Variants in ITGA9 observed in about 807,000 individuals in gnomAD.
ITGA9 encodes the protein integrin alpha-9.
A neutral mutation model predicts 127.8 loss-of-function variants in ITGA9; 56 were observed. That is an observed-to-expected ratio of 0.44 (90% CI 0.35 to 0.55). The LOEUF (loss-of-function observed/expected upper bound fraction) is 0.55. ITGA9 is among the 20% of genes least tolerant of loss of function. The pLI is 0.00. For missense variants in ITGA9, 1,196 were observed against 1,347.1 expected, an observed-to-expected ratio of 0.89 and a Z score of 1.76; for synonymous variants, 508 against 514.5, an observed-to-expected ratio of 0.99 and a Z score of 0.17.
At chr3:37,811,820 G>A (rs1484786577) in intron 27 of ITGA9, among the ~76,000 whole-genome samples, 3 of 152,218 alleles carry the variant, frequency 2.0e-5, no homozygotes, top group Non-Finnish European at 2.9e-5. Flanking sequence ...AAAGAGACAG[G>A]CTGCAGAATG....
At chr3:37,789,005 T>C (rs1697073429) in intron 26 of ITGA9, among the ~76,000 whole-genome samples, 1 of 152,178 alleles carries the variant, frequency 6.6e-6, no homozygotes, top group African/African-American at 2.4e-5. Flanking sequence ...TTAAAACCAA[T>C]TCAAAATAAA....
chr3:37,617,505 G>A (rs1478696078), intron 15 of ITGA9, among the ~76,000 whole-genome samples: 1 of 152,146 alleles, frequency 6.6e-6, no homozygotes, highest in African/African-American at 2.4e-5. Context: ...TTTGAATGTT[G>A]GCCTGCCTTG....
intron 16 of ITGA9, among the ~76,000 whole-genome samples, chr3:37,647,598 C>T (rs945013429): frequency 1.3e-5 from 2 of 151,882 alleles, no homozygotes; most frequent in African/African-American, 4.8e-5. Flanking sequence ...AAACTTTGTA[C>T]CTTTGACCAA....
chr3:37,790,689 A>C, intron 26 of ITGA9: 1 of 194,860 alleles, frequency 5.1e-6, no homozygotes, highest in Non-Finnish European at 1.0e-5. Context: ...GCATGTTAGC[A>C]TGTTTCTAGG....
chr3:37,788,367 T>C (rs1697065947), intron 26 of ITGA9, among the ~76,000 whole-genome samples: 1 of 152,184 alleles, frequency 6.6e-6, no homozygotes, highest in Non-Finnish European at 1.5e-5. Flanking sequence ...GGTCATAAAC[T>C]ACAGAACCTT....
intron 15 of ITGA9, among the ~76,000 whole-genome samples, chr3:37,570,597 G>C (rs368447353): frequency 6.6e-6 from 1 of 152,182 alleles, no homozygotes; most frequent in African/African-American, 2.4e-5. Flanking sequence ...ATCTACTTCT[G>C]TACTTGACCT....
intron 23 of ITGA9, among the ~76,000 whole-genome samples, chr3:37,754,558 T>C (rs900084647): frequency 2.6e-5 from 4 of 152,344 alleles, no homozygotes; most frequent in African/African-American, 9.6e-5. Context: ...GTTGTTTTCT[T>C]GCTATGGGGC....
intron 16 of ITGA9, among the ~76,000 whole-genome samples, chr3:37,637,108 C>T (rs1380069864): frequency 3.3e-5 from 5 of 152,090 alleles, no homozygotes; most frequent in Admixed American, 1.3e-4. Flanking sequence ...ATTGACTTGG[C>T]GATGCGGGCT....
At chr3:37,668,175 G>A (rs1326149881) in intron 17 of ITGA9, among the ~76,000 whole-genome samples, 2 of 152,046 alleles carry the variant, frequency 1.3e-5, no homozygotes, top group East Asian at 1.9e-4. Flanking sequence ...TTCCAGCTTC[G>A]ACTTTCTAGA....
chr3:37,779,496 C>T lies in ITGA9; in HGVS notation c.2668-406C>T, dbSNP rs72860995. 7.4e-3 allele frequency among the ~76,000 whole-genome samples: 1,133 copies of T among 152,218 alleles called. 15 individuals are homozygous for T. The highest frequency in any genetic ancestry group is 0.026 in the African/African-American group (1,077 of 41,522). On this transcript the variant is annotated intron_variant, in intron 24 of 27. Coordinates refer to ENST00000264741, the MANE Select transcript of ITGA9 (RefSeq NM_002207.3). ...CTTATTCACCTACCTAATAAATAGG[C>T]ATGAAAGTATATTTGCCACTACACA... is the stretch of plus-strand genomic sequence containing the variant.
At chr3:37,576,787 G>C (rs1242319887) in intron 15 of ITGA9, among the ~76,000 whole-genome samples, 1 of 152,130 alleles carries the variant, frequency 6.6e-6, no homozygotes, top group Non-Finnish European at 1.5e-5. Flanking sequence ...TGCATTTTTT[G>C]CAGAGGCAGG....
intron 5 of ITGA9, among the ~76,000 whole-genome samples, chr3:37,498,901 G>A (rs1698760492): frequency 6.6e-6 from 1 of 152,214 alleles, no homozygotes; most frequent in African/African-American, 2.4e-5. Flanking sequence ...CCAGGCCAGC[G>A]CGACTCCCCT....
intron 15 of ITGA9, among the ~76,000 whole-genome samples, chr3:37,626,316 A>T (rs895830438): frequency 6.6e-6 from 1 of 152,100 alleles, no homozygotes; most frequent in African/African-American, 2.4e-5. Flanking sequence ...TAGCTTTGGG[A>T]TGGAGGGACA....
chr3:37,576,699 C>T (rs1032362598), intron 15 of ITGA9, among the ~76,000 whole-genome samples: 4 of 152,326 alleles, frequency 2.6e-5, no homozygotes, highest in Non-Finnish European at 1.5e-5. Context: ...CTCCGCCTCC[C>T]AGGCTCAAGC....
rs190357629 is a variant in ITGA9, at chr3:37,703,313, A to G, written c.2067+19298A>G. Among the ~76,000 whole-genome samples, 117 of 152,268 alleles carry G rather than the reference A, an allele frequency of 7.7e-4. 1 individual carries two copies. In the South Asian group the frequency reaches 0.023, roughly 30 times the overall value. On this transcript the variant is annotated intron_variant, in intron 18 of 27. Transcript: ENST00000264741. ...CTACTTTGTAAGTATTTGTTCTGAG[A>G]TTATTTGTTCTGAAGGAGGCCCAAT...
chr3:37,635,313 A>G (rs776355463), intron 16 of ITGA9, among the ~76,000 whole-genome samples: 4 of 152,210 alleles, frequency 2.6e-5, no homozygotes, highest in Non-Finnish European at 5.9e-5. Context: ...AATCAGAGCT[A>G]TGGTGATAGC....
intron 1 of ITGA9, among the ~76,000 whole-genome samples, chr3:37,469,242 A>G (rs560647150): frequency 1.3e-4 from 20 of 152,264 alleles, no homozygotes; most frequent in African/African-American, 2.2e-4. Context: ...TTTCAGTTCA[A>G]GATGGAGGAT....
At chr3:37,728,966 G>A (rs1296013258) in intron 18 of ITGA9, among the ~76,000 whole-genome samples, 2 of 152,032 alleles carry the variant, frequency 1.3e-5, no homozygotes. Context: ...GTACAACAGA[G>A]TTGGTCTTGT....
intron 16 of ITGA9, among the ~76,000 whole-genome samples, chr3:37,647,853 G>GTA (rs145003216): frequency 0.31 from 46,748 of 151,536 alleles, 7,273 homozygotes; most frequent in Admixed American, 0.35. Flanking sequence ...TTATATATGT[G>GTA]TATATATATA....
Sources: allele counts gnomAD v4.1 joint callset (sites outside exome capture counted in the v4.1 genomes callset), GRCh38; gene constraint gnomAD v4.1.1; transcripts MANE v1.5; gene names NCBI Gene and HGNC (gene_info 2026-07-23, HGNC 2026-07-21).